Variants in HAND2 observed in about 807,000 individuals in gnomAD.
The protein encoded by HAND2 is heart- and neural crest derivatives-expressed protein 2.
Under a neutral mutation model 14.7 loss-of-function variants are expected in HAND2, and 2 were observed. The ratio of observed to expected loss-of-function variants is 0.14; its 90% CI spans 0.06 to 0.43. The LOEUF is 0.43. HAND2 is among the 20% of genes least tolerant of loss of function. The pLI is 0.99. For synonymous variants in HAND2, 162 were observed against 135.9 expected (o/e 1.19, Z -1.34); for missense variants, 275 against 313.6 (o/e 0.88, Z 0.93).
rs547459770 is a variant in HAND2 at position 173,529,183 on chromosome 4, C to T, written c.107G>A (p.Ser36Asn). The T allele has an allele frequency of 1.8e-4, 268 of 1,449,680 alleles. No individual in the cohort carries two copies. The East Asian group carries it at 7.0e-3, about 38-fold the overall frequency. 89.8% of individuals were successfully genotyped at this position (1,449,680 alleles called of 1,614,324 possible). A position where few individuals can be genotyped will look rare whatever the true frequency, so the allele number is the denominator to read the frequency against. The change falls in exon 1 of 2, where the codon AGC becomes AAC. Residue 36 changes from serine to asparagine, a missense_variant. Physicochemically the swap from Ser to Asn is conservative, Grantham distance 46 (BLOSUM62 1). Around this residue, in one of 4 missense-constraint regions of HAND2, gnomAD observed 175 missense variants for 157.1 expected, o/e 1.11. Transcript: ENST00000359562. ...ATGGAAGTAGGGGTTCTCCTCATGG[C>T]TGCAGCGGCTGGCGGCGGCGGCGGC... ...AAAAAAASRC[S>N]HEENPYFHGW...
At position 173,527,230 on chromosome 4, in the gene HAND2, T is replaced by C. The variant is rs1464765820; in HGVS notation, c.*47A>G. The C allele has an allele frequency of 5.3e-6, 7 of 1,322,250 alleles. No individual in the cohort carries two copies. Among genetic ancestry groups the C allele is most frequent in the African/African-American group, 1.4e-5 (1 of 69,566 alleles). 81.9% of individuals were successfully genotyped at this position (1,322,250 alleles called of 1,614,324 possible). A position where few individuals can be genotyped will look rare whatever the true frequency, so the allele number is the denominator to read the frequency against. On this transcript the variant is annotated 3_prime_UTR_variant, in exon 2 of 2. Coordinates refer to ENST00000359562, the MANE Select transcript of HAND2 (RefSeq NM_021973.3). ...GAGTCCTGGGTCTGCATCTGGCGCC[T>C]TGGCCCCTGCTCACTCGCGCTCTCC...
chr4:173,527,224 G>T lies in HAND2; in HGVS notation c.*53C>A. The T allele has an allele frequency of 1.6e-6, 2 of 1,227,564 alleles. No homozygotes were observed. Among genetic ancestry groups the T allele is most frequent in the Non-Finnish European group, 2.4e-6 (2 of 835,212 alleles). The allele number at this position is 1,227,564 out of a possible 1,614,324, so 76.0% of individuals were successfully genotyped here. A position where few individuals can be genotyped will look rare whatever the true frequency, so the allele number is the denominator to read the frequency against. On this transcript the variant is annotated 3_prime_UTR_variant, in exon 2 of 2. Coordinates refer to ENST00000359562, the MANE Select transcript of HAND2 (RefSeq NM_021973.3). Reference sequence around the variant, plus strand: ...TTTCCGGAGTCCTGGGTCTGCATCTGGCGCCTTGGCCCCTGCTCACTCGCG... The same window carrying T: ...TTTCCGGAGTCCTGGGTCTGCATCTTGCGCCTTGGCCCCTGCTCACTCGCG...
Position 173,528,636 on chromosome 4 carries a change from G to A in HAND2, c.555+99C>T. The A allele has an allele frequency of 7.0e-7, 1 of 1,423,794 alleles. No individual in the cohort carries two copies. The highest frequency in any genetic ancestry group is 1.2e-5 in the South Asian group (1 of 81,046). 88.2% of individuals were successfully genotyped at this position (1,423,794 alleles called of 1,614,324 possible). ...AACCTTGAAGCGGGACGCAGCCAAA[G>A]AACACGAGATGCCATTTCTCAGCCC... is the stretch of plus-strand genomic sequence containing the variant. On this transcript the variant is annotated intron_variant, in intron 1 of 1. Coordinates refer to ENST00000359562, the MANE Select transcript of HAND2 (RefSeq NM_021973.3). This position sits in a 1 kb window ranked among gnomAD's most constrained non-coding sequence, Gnocchi z 5.6.
At position 173,527,394 on chromosome 4, in the gene HAND2, A is replaced by G. The variant is rs1175360409; in HGVS notation, c.556-19T>C. ...TTTCGTTCTGGACAGAGGAAAGGCGAGGGCGAGAAAAGTGGAAAGAGAAAT... is the reference window on the plus strand; with the variant it reads ...TTTCGTTCTGGACAGAGGAAAGGCGGGGGCGAGAAAAGTGGAAAGAGAAAT... On this transcript the variant is annotated intron_variant, in intron 1 of 1. Coordinates refer to ENST00000359562, the MANE Select transcript of HAND2 (RefSeq NM_021973.3). 6.4e-7 allele frequency: 1 copy of G among 1,561,164 alleles called. No homozygotes were observed. Among genetic ancestry groups the G allele is most frequent in the Admixed American group, 1.7e-5 (1 of 59,970 alleles).
chr4:173,526,999 A>G lies in HAND2; in HGVS notation c.*278T>C. 3.2e-6 allele frequency: 2 copies of G among 615,648 alleles called. No individual in the cohort carries two copies. The highest frequency in any genetic ancestry group is 6.1e-6 in the Non-Finnish European group (2 of 329,446). 38.1% of individuals were successfully genotyped at this position (615,648 alleles called of 1,614,324 possible). A position where few individuals can be genotyped will look rare whatever the true frequency, so the allele number is the denominator to read the frequency against. The stretch of plus-strand genomic sequence containing the variant: ...TCACGCACACAGAATCTATGAGACG[A>G]CGGGATCCCTTACCACACGGGAGTG... On this transcript the variant is annotated 3_prime_UTR_variant, in exon 2 of 2. Coordinates refer to ENST00000359562, the MANE Select transcript of HAND2 (RefSeq NM_021973.3).
In HAND2 at chr4:173,528,455, T is replaced by C; in HGVS notation, c.555+280A>G. On this transcript the variant is annotated intron_variant, in intron 1 of 1. Transcript: ENST00000359562. The surrounding 1 kb of genome is among the most constrained non-coding windows in gnomAD (Gnocchi z 5.6). ...GATCGCGATCGATCGCGACCCAGAG[T>C]TTTCAAGGTCCGTCCTAAGTACTAG... 1 of 456,720 alleles carries C rather than the reference T, an allele frequency of 2.2e-6. No homozygotes were observed. Among genetic ancestry groups the C allele is most frequent in the African/African-American group, 2.0e-5 (1 of 50,138 alleles). The allele number at this position is 456,720 out of a possible 1,614,324, so 28.3% of individuals were successfully genotyped here. A position where few individuals can be genotyped will look rare whatever the true frequency, so the allele number is the denominator to read the frequency against.
Position 173,527,002 on chromosome 4 carries a change from G to A in HAND2, c.*275C>T, listed in dbSNP as rs1359667306. ...CGCACACAGAATCTATGAGACGACGGGATCCCTTACCACACGGGAGTGTCC... is the reference window on the plus strand; with the variant it reads ...CGCACACAGAATCTATGAGACGACGAGATCCCTTACCACACGGGAGTGTCC... On this transcript the variant is annotated 3_prime_UTR_variant, in exon 2 of 2. Transcript: ENST00000359562. 1.6e-6 allele frequency: 1 copy of A among 622,966 alleles called. No individual in the cohort carries two copies. The highest frequency in any genetic ancestry group is 3.0e-6 in the Non-Finnish European group (1 of 334,184). 38.6% of individuals were successfully genotyped at this position (622,966 alleles called of 1,614,324 possible). A position where few individuals can be genotyped will look rare whatever the true frequency, so the allele number is the denominator to read the frequency against.
At position 173,528,644 on chromosome 4, in the gene HAND2, G is replaced by C. The variant is rs903592508; in HGVS notation, c.555+91C>G. ...AGCGGGACGCAGCCAAAGAACACGA[G>C]ATGCCATTTCTCAGCCCAATTGGAA... On this transcript the variant is annotated intron_variant, in intron 1 of 1. Transcript: ENST00000359562. The surrounding 1 kb of genome is among the most constrained non-coding windows in gnomAD (Gnocchi z 5.6). The C allele has an allele frequency of 8.9e-6, 13 of 1,460,444 alleles. No homozygotes were observed. Among genetic ancestry groups the C allele is most frequent in the Admixed American group, 2.0e-5 (1 of 51,046 alleles). The allele number at this position is 1,460,444 out of a possible 1,614,324, so 90.5% of individuals were successfully genotyped here.
In HAND2 at chr4:173,527,141, A is replaced by T. The variant is rs1379451208; in HGVS notation, c.*136T>A. The T allele has an allele frequency of 1.4e-6, 1 of 722,910 alleles. No homozygotes were observed. 44.8% of individuals were successfully genotyped at this position (722,910 alleles called of 1,614,324 possible). On this transcript the variant is annotated 3_prime_UTR_variant, in exon 2 of 2. Coordinates refer to ENST00000359562, the MANE Select transcript of HAND2 (RefSeq NM_021973.3). The stretch of plus-strand genomic sequence containing the variant: ...CAAAGAGAGGGGAAGGAAATTGCAC[A>T]TAAATAAACCGGATGATTCCAAATG...
chr4:173,528,291 T>G lies in HAND2; in HGVS notation c.555+444A>C. On this transcript the variant is annotated intron_variant, in intron 1 of 1. Transcript: ENST00000359562. This position sits in a 1 kb window ranked among gnomAD's most constrained non-coding sequence, Gnocchi z 5.6. Reference sequence around the variant, plus strand: ...TGGCAGCCTCCTTCTGGGAGTGGGGTAGGGGGTGCGATCAATAGTGAAATA... The same window carrying G: ...TGGCAGCCTCCTTCTGGGAGTGGGGGAGGGGGTGCGATCAATAGTGAAATA... 5.7e-6 allele frequency: 1 copy of G among 175,698 alleles called. No individual in the cohort carries two copies. 10.9% of individuals were successfully genotyped at this position (175,698 alleles called of 1,614,324 possible).
Position 173,529,102 on chromosome 4 carries a change from G to C in HAND2, c.188C>G (p.Ser63Cys), listed in dbSNP as rs771092361. 6.6e-7 allele frequency: 1 copy of C among 1,509,516 alleles called. No individual in the cohort carries two copies. The highest frequency in any genetic ancestry group is 1.4e-5 in the South Asian group (1 of 73,738). The allele number at this position is 1,509,516 out of a possible 1,614,324, so 93.5% of individuals were successfully genotyped here. A position where few individuals can be genotyped will look rare whatever the true frequency, so the allele number is the denominator to read the frequency against. Residue 63 changes from serine (S) to cysteine (C), a missense_variant, in exon 1 of 2, where the codon TCC (serine) becomes TGC (cysteine). Coordinates refer to ENST00000359562, the MANE Select transcript of HAND2 (RefSeq NM_021973.3). ...MSPPDYSMALSYSPEYASGAA... is the reference protein window; with the variant it reads ...MSPPDYSMALCYSPEYASGAA... ...GCCGCTGGCATACTCGGGGCTGTAG[G>C]ACAGGGCCATGCTGTAGTCGGGGGG...
rs919987645 is a variant in HAND2 at position 173,528,544 on chromosome 4, C to T, written c.555+191G>A. 9.1e-6 allele frequency: 6 copies of T among 658,350 alleles called. No homozygotes were observed. The highest frequency in any genetic ancestry group is 1.6e-5 in the Non-Finnish European group (6 of 381,438). The allele number at this position is 658,350 out of a possible 1,614,324, so 40.8% of individuals were successfully genotyped here. A position where few individuals can be genotyped will look rare whatever the true frequency, so the allele number is the denominator to read the frequency against. On this transcript the variant is annotated intron_variant, in intron 1 of 1. Coordinates refer to ENST00000359562, the MANE Select transcript of HAND2 (RefSeq NM_021973.3). The surrounding 1 kb of genome is among the most constrained non-coding windows in gnomAD (Gnocchi z 5.6). ...AAGCATCCCTAACCTTCTCCTCCTC[C>T]TGCTGACACCCTCCCCTCAACTCTC...
At position 173,529,315 on chromosome 4, in the gene HAND2, C is replaced by T. The variant is rs1579039182; in HGVS notation, c.-26G>A. 7.7e-6 allele frequency: 10 copies of T among 1,290,804 alleles called. No homozygotes were observed. In the African/African-American group the frequency reaches 7.8e-5, roughly 10 times the overall value. 80.0% of individuals were successfully genotyped at this position (1,290,804 alleles called of 1,614,324 possible). A position where few individuals can be genotyped will look rare whatever the true frequency, so the allele number is the denominator to read the frequency against. On this transcript the variant is annotated 5_prime_UTR_variant, in exon 1 of 2. Transcript: ENST00000359562. Reference sequence around the variant, plus strand: ...TTCGCCCTCCGCGCCCCTCCACGCGCCCCAGCGTGCGCGCAGCCCCGCCGC... The same window carrying T: ...TTCGCCCTCCGCGCCCCTCCACGCGTCCCAGCGTGCGCGCAGCCCCGCCGC...
rs1037766874 is a variant in HAND2, at chr4:173,527,005, T to C, written c.*272A>G. 1.6e-5 allele frequency: 10 copies of C among 626,460 alleles called. No homozygotes were observed. The African/African-American group carries it at 1.6e-4, about 10-fold the overall frequency. 38.8% of individuals were successfully genotyped at this position (626,460 alleles called of 1,614,324 possible). ...ACACAGAATCTATGAGACGACGGGATCCCTTACCACACGGGAGTGTCCTCT... is the reference window on the plus strand; with the variant it reads ...ACACAGAATCTATGAGACGACGGGACCCCTTACCACACGGGAGTGTCCTCT... On this transcript the variant is annotated 3_prime_UTR_variant, in exon 2 of 2. Coordinates refer to ENST00000359562, the MANE Select transcript of HAND2 (RefSeq NM_021973.3).
Position 173,529,122 on chromosome 4 carries a change from G to C in HAND2, c.168C>G (p.Pro56=). ...TGTAGGACAGGGCCATGCTGTAGTCGGGGGGCGACATCTCGGGGTGGCCGA... is the reference window on the plus strand; with the variant it reads ...TGTAGGACAGGGCCATGCTGTAGTCCGGGGGCGACATCTCGGGGTGGCCGA... ...WLIGHPEMSP[P]DYSMALSYSP... The change falls in exon 1 of 2, where the codon CCC becomes CCG. Residue 56 remains proline (P), a synonymous_variant. Transcript: ENST00000359562. 6.7e-7 allele frequency: 1 copy of C among 1,487,162 alleles called. No individual in the cohort carries two copies. The allele number at this position is 1,487,162 out of a possible 1,614,324, so 92.1% of individuals were successfully genotyped here.
In HAND2 at chr4:173,529,296, C is replaced by T; in HGVS notation, c.-7G>A. The T allele has an allele frequency of 7.6e-7, 1 of 1,313,740 alleles. No homozygotes were observed. Among genetic ancestry groups the T allele is most frequent in the South Asian group, 2.4e-5 (1 of 42,286 alleles). 81.4% of individuals were successfully genotyped at this position (1,313,740 alleles called of 1,614,324 possible). On this transcript the variant is annotated 5_prime_UTR_variant, in exon 1 of 2. Transcript: ENST00000359562. The stretch of plus-strand genomic sequence containing the variant: ...AACCACCTACCAGACTCATTTCGCC[C>T]TCCGCGCCCCTCCACGCGCCCCAGC...
In HAND2 at chr4:173,529,393, C is replaced by G; in HGVS notation, c.-104G>C. On this transcript the variant is annotated 5_prime_UTR_variant, in exon 1 of 2. Coordinates refer to ENST00000359562, the MANE Select transcript of HAND2 (RefSeq NM_021973.3). ...GCTCGGCGTCCTCCCCCACCCCCCA[C>G]CCCCCAGCCCCCGGGCGCCCGGGCC... 2 of 810,466 alleles carry G rather than the reference C, an allele frequency of 2.5e-6. No individual in the cohort carries two copies. Among genetic ancestry groups the G allele is most frequent in the Non-Finnish European group, 3.1e-6 (2 of 634,984 alleles). 50.2% of individuals were successfully genotyped at this position (810,466 alleles called of 1,614,324 possible).
chr4:173,528,614 C>T lies in HAND2; in HGVS notation c.555+121G>A, dbSNP rs1015693500. On this transcript the variant is annotated intron_variant, in intron 1 of 1. Transcript: ENST00000359562. This position sits in a 1 kb window ranked among gnomAD's most constrained non-coding sequence, Gnocchi z 5.6. ...CCTTACACAACCTGGTGCAAACAAC[C>T]TTGAAGCGGGACGCAGCCAAAGAAC... The T allele has an allele frequency of 7.9e-6, 10 of 1,271,612 alleles. No homozygotes were observed. In the African/African-American group the frequency reaches 1.5e-4, roughly 19 times the overall value. 78.8% of individuals were successfully genotyped at this position (1,271,612 alleles called of 1,614,324 possible).
At position 173,528,663 on chromosome 4, in the gene HAND2, A is replaced by C. The variant is rs969947691; in HGVS notation, c.555+72T>G. 2.6e-6 allele frequency: 4 copies of C among 1,542,790 alleles called. No individual in the cohort carries two copies. The Admixed American group carries it at 7.7e-5, about 30-fold the overall frequency. ...ACACGAGATGCCATTTCTCAGCCCA[A>C]TTGGAAAGAGGCCGGGAGCACCAGT... On this transcript the variant is annotated intron_variant, in intron 1 of 1. Coordinates refer to ENST00000359562, the MANE Select transcript of HAND2 (RefSeq NM_021973.3). The surrounding 1 kb of genome is among the most constrained non-coding windows in gnomAD (Gnocchi z 5.6).
Sources: allele counts gnomAD v4.1 joint callset, GRCh38; gene constraint gnomAD v4.1.1; regional missense constraint gnomAD v4.1.1; non-coding constraint Gnocchi (gnomAD v3.1); transcripts MANE v1.5; gene names NCBI Gene and HGNC (gene_info 2026-07-23, HGNC 2026-07-21).